TMEM247: variants seen among roughly 807,000 people sequenced by gnomAD.
The protein encoded by TMEM247 is transmembrane protein ENSP00000343375.
A neutral mutation model predicts 20.7 loss-of-function variants in TMEM247; 23 were observed. The ratio of observed to expected loss-of-function variants is 1.11; its 90% CI spans 0.80 to 1.57. TMEM247 has a LOEUF of 1.57. TMEM247 is among the 40% of genes most tolerant of loss of function. The pLI is 0.00. For missense variants in TMEM247, 354 were observed against 283.8 expected, an observed-to-expected ratio of 1.25 and a Z score of -1.78; for synonymous variants, 106 against 111.9, an observed-to-expected ratio of 0.95 and a Z score of 0.33.
rs1244052778 is a variant in TMEM247, at chr2:46,482,021, A to T, written c.477+1257A>T. ...AATGGTTTCCCAAAATTAAGATATTACATTACCTATAGCATTTCCCCAATT... is the reference window on the plus strand; with the variant it reads ...AATGGTTTCCCAAAATTAAGATATTTCATTACCTATAGCATTTCCCCAATT... On this transcript the variant is annotated intron_variant, in intron 2 of 2. Transcript: ENST00000434431. 5.3e-5 allele frequency among the ~76,000 whole-genome samples: 8 copies of T among 152,254 alleles called. No individual in the cohort carries two copies. In the South Asian group the frequency reaches 1.4e-3, roughly 28 times the overall value.
chr2:46,483,396 A>G (rs13017856), intron 2 of TMEM247, among the ~76,000 whole-genome samples: 75,716 of 151,902 alleles, frequency 0.5, 19,108 homozygotes, highest in East Asian at 0.62. Flanking sequence ...CCTGCCTCCA[A>G]GAGACACCAA....
rs1307348326 is a variant in TMEM247, at chr2:46,480,544, G to C, written c.257G>C (p.Gly86Ala). The change falls in exon 2 of 3, where the codon GGA (glycine) becomes GCA (alanine). Residue 86 changes from glycine to alanine, a missense_variant. Physicochemically the swap from Gly to Ala is moderately conservative, Grantham distance 60 (BLOSUM62 0). Coordinates refer to ENST00000434431, the Ensembl canonical transcript of TMEM247. ...GCTACCAAAGGCCAGGCTGGCGACG[G>C]ACCCAAACCCGCAGAGCTGCCCCCG... 1.3e-5 allele frequency: 20 copies of C among 1,551,644 alleles called. No homozygotes were observed. Among genetic ancestry groups the C allele is most frequent in the Non-Finnish European group, 1.0e-5 (12 of 1,147,012 alleles).
intron 1 of TMEM247, 21 bp downstream of exon 1, chr2:46,479,723 C>T (rs1686841724): frequency 2.0e-6 from 3 of 1,493,708 alleles, no homozygotes; most frequent in Non-Finnish European, 2.7e-6. Context: ...TGCTGTGTCT[C>T]ACCACCCCCG....
intron 1 of TMEM247, 42 bp from the exon 2 acceptor site, chr2:46,480,363 G>A: frequency 6.7e-7 from 1 of 1,492,090 alleles, no homozygotes; most frequent in Non-Finnish European, 8.9e-7. Flanking sequence ...GCCCCATCCT[G>A]ACTCTTCAAG....
chr2:46,481,285 C>T (rs1481805841), intron 2 of TMEM247, among the ~76,000 whole-genome samples: 1 of 152,216 alleles, frequency 6.6e-6, no homozygotes, highest in Admixed American at 6.5e-5. Flanking sequence ...TTGGATCATA[C>T]TGCCTTCTAG....
At chr2:46,481,258 G>A (rs1339788462) in intron 2 of TMEM247, among the ~76,000 whole-genome samples, 1 of 152,140 alleles carries the variant, frequency 6.6e-6, no homozygotes, top group East Asian at 1.9e-4. Context: ...TCCCCGATCA[G>A]GGCTATGTTT....
chr2:46,480,632 C>G, exon 2 of TMEM247: 1 of 1,351,314 alleles, frequency 7.4e-7, no homozygotes, highest in African/African-American at 1.7e-5. Context: ...AGTTCGAGCT[C>G]ACGCGGCTCA....
chr2:46,480,913 C>G (rs764316536), intron 2 of TMEM247, 149 bp downstream of exon 2: 1 of 1,168,926 alleles, frequency 8.6e-7, no homozygotes, highest in African/African-American at 1.6e-5. Context: ...AGCATCCACT[C>G]GGGCGGTCTC....
intron 2 of TMEM247, 122 bp downstream of exon 2, chr2:46,480,886 T>C: frequency 7.5e-7 from 1 of 1,336,580 alleles, no homozygotes. Context: ...ATCCTGGATC[T>C]CGGCTGAAAG....
chr2:46,481,192 C>CT (rs2103782958), intron 2 of TMEM247, among the ~76,000 whole-genome samples: 1 of 152,320 alleles, frequency 6.6e-6, no homozygotes, highest in African/African-American at 2.4e-5. Flanking sequence ...TGCCTGGAGA[C>CT]TAGACCCAGA....
chr2:46,480,063 TCTAA>T (rs1686848465), intron 1 of TMEM247, among the ~76,000 whole-genome samples: 4 of 152,272 alleles, frequency 2.6e-5, no homozygotes, highest in Admixed American at 6.5e-5. Flanking sequence ...AGACCTGGCA[TCTAA>T]CTGACCTCAA....
At chr2:46,480,741 C>A in exon 2 of TMEM247, 6 of 1,550,156 alleles carry the variant, frequency 3.9e-6, no homozygotes, top group Non-Finnish European at 5.2e-6. Flanking sequence ...GGAGCAGCTG[C>A]AGCAAGAGGC....
intron 2 of TMEM247, among the ~76,000 whole-genome samples, chr2:46,483,372 C>T (rs1686925986): frequency 6.6e-6 from 1 of 152,206 alleles, no homozygotes; most frequent in South Asian, 2.1e-4. Flanking sequence ...GACCCCATCA[C>T]CTATCTCTCA....
At chr2:46,480,543 G>C in exon 2 of TMEM247, 1 of 1,551,758 alleles carries the variant, frequency 6.4e-7, no homozygotes, top group Non-Finnish European at 8.7e-7. Context: ...GGCTGGCGAC[G>C]GACCCAAACC....
intron 2 of TMEM247, 80 bp from the exon 3 acceptor site, chr2:46,484,164 G>T: frequency 1.6e-6 from 2 of 1,259,308 alleles, no homozygotes; most frequent in East Asian, 2.6e-5. Flanking sequence ...CATACAGGCA[G>T]GGTCAGAGCA....
rs186632866 is a variant in TMEM247, at chr2:46,479,774, T to G, written c.117+72T>G. 4 of 1,110,442 alleles carry G rather than the reference T, an allele frequency of 3.6e-6. No individual in the cohort carries two copies. The East Asian group carries it at 1.0e-4, about 29-fold the overall frequency. The allele number at this position is 1,110,442 out of a possible 1,614,324, so 68.8% of individuals were successfully genotyped here. A position where few individuals can be genotyped will look rare whatever the true frequency, so the allele number is the denominator to read the frequency against. On this transcript the variant is annotated intron_variant, in intron 1 of 2. Coordinates refer to ENST00000434431, the Ensembl canonical transcript of TMEM247. ...GGAGCAAGAATACTGTAGGAACACA[T>G]GCTTTGAGCTTCCAGACAACTGCCA...
chr2:46,481,831 T>C (rs749719138), intron 2 of TMEM247, among the ~76,000 whole-genome samples: 1 of 152,230 alleles, frequency 6.6e-6, no homozygotes, highest in Non-Finnish European at 1.5e-5. Context: ...CCTTCTGCCT[T>C]TATCCAAATC....
rs763572943 is a variant in TMEM247 at position 46,484,223 on chromosome 2, A to G, written c.478-21A>G. On this transcript the variant is annotated intron_variant, in intron 2 of 2. Coordinates refer to ENST00000434431, the Ensembl canonical transcript of TMEM247. The stretch of plus-strand genomic sequence containing the variant: ...CGCCAACAATGGCATCATCATCTCC[A>G]CTGTCTTCTCTCCCCCACAGTTTTC... 1.6e-4 allele frequency: 252 copies of G among 1,541,116 alleles called. 1 individual carries two copies. Among genetic ancestry groups the G allele is most frequent in the Non-Finnish European group, 1.4e-4 (162 of 1,141,654 alleles).
At chr2:46,483,063 C>A (rs60496170) in intron 2 of TMEM247, among the ~76,000 whole-genome samples, 55 of 152,246 alleles carry the variant, frequency 3.6e-4, no homozygotes, top group African/African-American at 1.3e-3. Flanking sequence ...GAAAATACCT[C>A]TTTGAGTGTG....
Sources: gnomAD v4.1 joint callset for allele counts (sites outside exome capture counted in the v4.1 genomes callset) on GRCh38, gnomAD v4.1.1 for gene constraint, MANE v1.5 for transcripts, NCBI Gene and HGNC (gene_info 2026-07-23, HGNC 2026-07-21) for gene names.